Variants in CFAP97D2 observed in about 807,000 individuals in gnomAD.
CFAP97D2 encodes the protein CFAP97 domain containing 2.
chr13:114,212,988 T>G (rs2080974894), intron 4 of CFAP97D2, among the ~76,000 whole-genome samples: 2 of 152,270 alleles, frequency 1.3e-5, no homozygotes. Context: ...ATTTAAGTTC[T>G]AAACTCTCTT....
intron 4 of CFAP97D2, among the ~76,000 whole-genome samples, chr13:114,217,789 A>G (rs2081002247): frequency 6.6e-6 from 1 of 152,220 alleles, no homozygotes; most frequent in African/African-American, 2.4e-5. Flanking sequence ...TGATTATCTC[A>G]ATAGATACAG....
At chr13:114,217,354 C>T (rs1275468370) in intron 4 of CFAP97D2, among the ~76,000 whole-genome samples, 1 of 152,058 alleles carries the variant, frequency 6.6e-6, no homozygotes, top group Non-Finnish European at 1.5e-5. Flanking sequence ...CTGAATACAC[C>T]AATAACAGGT....
chr13:114,194,734 C>CT (rs59430313), intron 1 of CFAP97D2, among the ~76,000 whole-genome samples: 96,276 of 151,876 alleles, frequency 0.63, 32,124 homozygotes, highest in African/African-American at 0.86. Context: ...CCCTTCCCCC[C>CT]GTACCTAATG....
intron 1 of CFAP97D2, among the ~76,000 whole-genome samples, chr13:114,192,383 A>G (rs1342156263): frequency 6.6e-6 from 1 of 152,208 alleles, no homozygotes; most frequent in Admixed American, 6.5e-5. Flanking sequence ...TGTGAACCTA[A>G]AAGTTCTCTT....
chr13:114,206,443 C>T (rs2080940795), intron 3 of CFAP97D2, among the ~76,000 whole-genome samples: 1 of 152,156 alleles, frequency 6.6e-6, no homozygotes, highest in Non-Finnish European at 1.5e-5. Flanking sequence ...TAGGACCATA[C>T]AGCGGAGACT....
At chr13:114,219,432 A>G (rs532061458) in intron 4 of CFAP97D2, among the ~76,000 whole-genome samples, 8 of 152,322 alleles carry the variant, frequency 5.3e-5, no homozygotes, top group African/African-American at 1.7e-4. Context: ...CTTGCAACCA[A>G]TGTTTCAAAT....
intron 1 of CFAP97D2, among the ~76,000 whole-genome samples, chr13:114,194,612 T>C (rs2080879562): frequency 6.6e-6 from 1 of 152,170 alleles, no homozygotes; most frequent in African/African-American, 2.4e-5. Context: ...AGAGCATTCT[T>C]TGATGATTTT....
At position 114,179,562 on chromosome 13, in the gene CFAP97D2, G is replaced by A. The variant is rs2080825322; in HGVS notation, c.90+142G>A. 2.5e-6 allele frequency: 1 copy of A among 392,900 alleles called. No homozygotes were observed. The highest frequency in any genetic ancestry group is 4.5e-6 in the Non-Finnish European group (1 of 223,218). 24.3% of individuals were successfully genotyped at this position (392,900 alleles called of 1,614,324 possible). On this transcript the variant is annotated intron_variant, in intron 1 of 4. Transcript: ENST00000646158. The surrounding 1 kb of genome is among the most constrained non-coding windows in gnomAD (Gnocchi z 4.8). ...TGGTTGAAATGACATTTCCTAACAA[G>A]ATTCATCATCTATGTTGCCATACAA...
intron 4 of CFAP97D2, among the ~76,000 whole-genome samples, chr13:114,215,378 C>G (rs748036750): frequency 1.3e-5 from 2 of 152,122 alleles, no homozygotes; most frequent in Non-Finnish European, 2.9e-5. Context: ...CACATTATTA[C>G]TTATCAATTC....
chr13:114,218,292 T>A (rs1177633922), intron 4 of CFAP97D2, among the ~76,000 whole-genome samples: 1 of 152,058 alleles, frequency 6.6e-6, no homozygotes, highest in Non-Finnish European at 1.5e-5. Flanking sequence ...TCAAAGAGAA[T>A]AAAATACCTA....
chr13:114,181,117 G>C (rs1239425983), intron 1 of CFAP97D2, among the ~76,000 whole-genome samples: 1 of 152,240 alleles, frequency 6.6e-6, no homozygotes, highest in African/African-American at 2.4e-5. Flanking sequence ...TATGATTCTG[G>C]CACGAAAGTG....
At chr13:114,218,319 G>C (rs1222731001) in intron 4 of CFAP97D2, among the ~76,000 whole-genome samples, 3 of 152,160 alleles carry the variant, frequency 2.0e-5, no homozygotes, top group Non-Finnish European at 4.4e-5. Context: ...CAACTTACAA[G>C]GGATGTGAAG....
chr13:114,190,100 T>C (rs1483293259), intron 1 of CFAP97D2, among the ~76,000 whole-genome samples: 8 of 151,908 alleles, frequency 5.3e-5, no homozygotes, highest in Non-Finnish European at 1.2e-4. Flanking sequence ...TATGATTGCA[T>C]CACTGCACTC....
intron 1 of CFAP97D2, among the ~76,000 whole-genome samples, chr13:114,183,630 G>A (rs2080845048): frequency 6.6e-6 from 1 of 152,074 alleles, no homozygotes; most frequent in South Asian, 2.1e-4. Flanking sequence ...GAACAAAAGG[G>A]ATGAATGGCT....
At chr13:114,182,229 G>A (rs564239364) in intron 1 of CFAP97D2, among the ~76,000 whole-genome samples, 1,609 of 150,578 alleles carry the variant, frequency 0.011, 36 homozygotes, top group African/African-American at 0.031. Flanking sequence ...ATGCCTGGAT[G>A]TGCACGTAGG....
Position 114,195,002 on chromosome 13 carries a change from A to G in CFAP97D2, c.91-1394A>G, listed in dbSNP as rs577543873. ...CTCTGTCTTAGTGTCACCTGGTATG[A>G]AAACTGAAAGCAGAGGGCATTCTTC... On this transcript the variant is annotated intron_variant, in intron 1 of 4. Coordinates refer to ENST00000646158, the Ensembl canonical transcript of CFAP97D2. 2.0e-5 allele frequency among the ~76,000 whole-genome samples: 3 copies of G among 152,304 alleles called. No individual in the cohort carries two copies. In the East Asian group the frequency reaches 5.8e-4, roughly 29 times the overall value.
At chr13:114,192,423 C>T (rs1045121824) in intron 1 of CFAP97D2, among the ~76,000 whole-genome samples, 4 of 151,948 alleles carry the variant, frequency 2.6e-5, no homozygotes, top group Admixed American at 1.3e-4. Flanking sequence ...TTTTTTAAAT[C>T]GCAAACAAAA....
rs1360411288 is a variant in CFAP97D2 at position 114,216,817 on chromosome 13, G to T, written c.480+4716G>T. Among the ~76,000 whole-genome samples the T allele has an allele frequency of 3.3e-4, 51 of 152,336 alleles. 1 individual carries two copies. The highest frequency in any genetic ancestry group is 1.2e-3 in the African/African-American group (48 of 41,572). ...TTGGGTATATGCCCAGTAATGGGAT[G>T]ACTGGGTCAAATGGTATTTCTAGTT... On this transcript the variant is annotated intron_variant, in intron 4 of 4. Transcript: ENST00000646158.
chr13:114,191,376 T>C (rs921442526), intron 1 of CFAP97D2, among the ~76,000 whole-genome samples: 2 of 152,184 alleles, frequency 1.3e-5, no homozygotes, highest in Non-Finnish European at 1.5e-5. Context: ...ATACGTCTGA[T>C]AAAAGACTGT....
Sources: allele counts gnomAD v4.1 joint callset (sites outside exome capture counted in the v4.1 genomes callset), GRCh38; gene constraint gnomAD v4.1.1; non-coding constraint Gnocchi (gnomAD v3.1); transcripts MANE v1.5; gene names NCBI Gene and HGNC (gene_info 2026-07-23, HGNC 2026-07-21).